SYT10: variants seen among roughly 807,000 people sequenced by gnomAD.
The protein encoded by SYT10 is synaptotagmin-10.
In SYT10, 31 loss-of-function variants were observed where a neutral mutation model predicts 51.1. The observed-to-expected ratio is 0.61, with a 90% CI of 0.46 to 0.82. The LOEUF is 0.82. SYT10 is among the 40% of genes least tolerant of loss of function. SYT10 has a pLI of 0.00. For synonymous variants in SYT10, 233 were observed against 225.9 expected, an observed-to-expected ratio of 1.03 and a Z score of -0.28; for missense variants, 603 against 634.0, an observed-to-expected ratio of 0.95 and a Z score of 0.53.
intron 1 of SYT10, among the ~76,000 whole-genome samples, chr12:33,437,389 A>G (rs924837584): frequency 6.6e-6 from 1 of 152,240 alleles, no homozygotes; most frequent in African/African-American, 2.4e-5. Context: ...AGGAATTCAG[A>G]CTACAACTAC....
chr12:33,419,274 G>C (rs1866480038), intron 2 of SYT10, among the ~76,000 whole-genome samples: 1 of 152,140 alleles, frequency 6.6e-6, no homozygotes, highest in African/African-American at 2.4e-5. Context: ...GAATGTGTGT[G>C]TGTGGGGGGA....
intron 3 of SYT10, among the ~76,000 whole-genome samples, 176 bp downstream of exon 3, chr12:33,406,613 A>G (rs1278121148): frequency 3.3e-5 from 5 of 152,222 alleles, no homozygotes; most frequent in Non-Finnish European, 7.3e-5. Flanking sequence ...GGTTACTAGT[A>G]TATTCAGCAT....
chr12:33,414,250 G>C lies in SYT10; in HGVS notation c.510-6894C>G, dbSNP rs902865089. On this transcript the variant is annotated intron_variant, in intron 2 of 6. Transcript: ENST00000228567. ...AATAATAATTGGAGACTTTCACACC[G>C]CACTGTCAACATCAGACAGATCAAA... is the stretch of plus-strand genomic sequence containing the variant. 5.9e-5 allele frequency among the ~76,000 whole-genome samples: 9 copies of C among 152,166 alleles called. No homozygotes were observed. In the East Asian group the frequency reaches 1.2e-3, roughly 20 times the overall value.
intron 3 of SYT10, among the ~76,000 whole-genome samples, chr12:33,388,695 T>C (rs1360797232): frequency 6.6e-6 from 1 of 152,214 alleles, no homozygotes; most frequent in Non-Finnish European, 1.5e-5. Flanking sequence ...ACACTGAAGC[T>C]GGCTCAGAGG....
intron 3 of SYT10, among the ~76,000 whole-genome samples, chr12:33,401,844 G>T (rs1866309847): frequency 6.6e-6 from 1 of 152,078 alleles, no homozygotes; most frequent in Non-Finnish European, 1.5e-5. Flanking sequence ...CATTCAAAAA[G>T]CATTTATTCA....
intron 3 of SYT10, among the ~76,000 whole-genome samples, chr12:33,399,660 G>A (rs1388706440): frequency 6.6e-6 from 1 of 152,124 alleles, no homozygotes; most frequent in African/African-American, 2.4e-5. Context: ...TAGGCTGGCT[G>A]AGTTAGGCAG....
intron 3 of SYT10, among the ~76,000 whole-genome samples, chr12:33,395,445 C>T (rs894446472): frequency 2.0e-5 from 3 of 152,150 alleles, no homozygotes; most frequent in African/African-American, 7.2e-5. Flanking sequence ...CACTAAATTC[C>T]TAGAACTTAC....
At chr12:33,415,608 AGAAATTT>A (rs1429758119) in intron 2 of SYT10, among the ~76,000 whole-genome samples, 3 of 152,248 alleles carry the variant, frequency 2.0e-5, no homozygotes, top group Non-Finnish European at 4.4e-5. Context: ...AATGTTTAAA[AGAAATTT>A]ATCTCTATTT....
Position 33,385,302 on chromosome 12 carries a change from A to AAT in SYT10, c.1078-13_1078-12dup. On this transcript the variant is annotated splice_polypyrimidine_tract_variant and intron_variant, in intron 3 of 6. Transcript: ENST00000228567. ...CAGGTCTATACTTTCCTAGAAAGGC[A>AAT]ATCGGCATGTTAGCAATTTCAAACA... 1.9e-6 allele frequency: 3 copies of AAT among 1,612,166 alleles called. No homozygotes were observed. The highest frequency in any genetic ancestry group is 2.5e-6 in the Non-Finnish European group (3 of 1,179,246).
At chr12:33,387,745 A>ATGTT (rs1291612453) in intron 3 of SYT10, among the ~76,000 whole-genome samples, 59 of 78,950 alleles carry the variant, frequency 7.5e-4, no homozygotes, top group African/African-American at 3.6e-3. Flanking sequence ...TCCTTCTAAC[A>ATGTT]TGTTTTTTTT....
At chr12:33,408,522 G>A (rs1356103921) in intron 2 of SYT10, among the ~76,000 whole-genome samples, 2 of 152,014 alleles carry the variant, frequency 1.3e-5, no homozygotes, top group Non-Finnish European at 2.9e-5. Flanking sequence ...CATGCTTTCT[G>A]GCACGAACTG....
Position 33,426,277 on chromosome 12 carries a change from C to T in SYT10, c.370G>A (p.Val124Ile), listed in dbSNP as rs143923961. Residue 124 changes from valine (V) to isoleucine (I), a missense_variant, in exon 2 of 7, where the codon GTA becomes ATA. Coordinates refer to ENST00000228567, the MANE Select transcript of SYT10 (RefSeq NM_198992.4). The part of the protein sequence containing the change: ...KEIKENEKPA[V>I]KAIEPAIKIS... Reference sequence around the variant, plus strand: ...TTTATTGCAGGCTCAATAGCTTTTACGGCTGGCTTTTCATTTTCCTTAATT... The same window carrying T: ...TTTATTGCAGGCTCAATAGCTTTTATGGCTGGCTTTTCATTTTCCTTAATT... 253 of 1,613,924 alleles carry T rather than the reference C, an allele frequency of 1.6e-4. No individual in the cohort carries two copies. Among genetic ancestry groups the T allele is most frequent in the Non-Finnish European group, 2.0e-4 (238 of 1,180,014 alleles).
At chr12:33,416,881 T>C (rs1340797407) in intron 2 of SYT10, among the ~76,000 whole-genome samples, 1 of 152,118 alleles carries the variant, frequency 6.6e-6, no homozygotes, top group Non-Finnish European at 1.5e-5. Context: ...TAAAATGGGA[T>C]CTAACCTGAA....
intron 2 of SYT10, among the ~76,000 whole-genome samples, chr12:33,409,209 A>C (rs997923191): frequency 6.6e-6 from 1 of 152,150 alleles, no homozygotes; most frequent in Non-Finnish European, 1.5e-5. Context: ...ACTGATGCAC[A>C]CATGAAGCTC....
At chr12:33,436,958 G>T (rs1866642617) in intron 1 of SYT10, among the ~76,000 whole-genome samples, 1 of 152,120 alleles carries the variant, frequency 6.6e-6, no homozygotes, top group African/African-American at 2.4e-5. Flanking sequence ...GCTTTATTTA[G>T]GAACCTATAA....
At chr12:33,395,522 T>G (rs1866248537) in intron 3 of SYT10, among the ~76,000 whole-genome samples, 1 of 152,184 alleles carries the variant, frequency 6.6e-6, no homozygotes, top group Non-Finnish European at 1.5e-5. Context: ...CCTACAACCT[T>G]CAAGCATTAA....
chr12:33,376,955 G>A, intron 6 of SYT10, 54 bp from the exon 7 acceptor site: 1 of 1,572,982 alleles, frequency 6.4e-7, no homozygotes, highest in Non-Finnish European at 8.7e-7. Flanking sequence ...AGAACACAGT[G>A]GTTAGTTGTT....
Position 33,382,436 on chromosome 12 carries a change from G to A in SYT10, c.1283C>T (p.Pro428Leu). ...KTTTKKNTLN[P>L]VYNEAIIFDI... ...AAAAATAATGGCCTCATTGTACACA[G>A]GGTTTAGAGTGTTTTTCTTTGTAGT... Residue 428 changes from proline (P) to leucine (L), a missense_variant, in exon 5 of 7, where the codon CCT (proline) becomes CTT (leucine). Physicochemically the swap from Pro to Leu is moderately conservative, Grantham distance 98. Coordinates refer to ENST00000228567, the MANE Select transcript of SYT10 (RefSeq NM_198992.4). 1 of 1,613,366 alleles carries A rather than the reference G, an allele frequency of 6.2e-7. No individual in the cohort carries two copies. The highest frequency in any genetic ancestry group is 8.5e-7 in the Non-Finnish European group (1 of 1,179,610).
chr12:33,419,030 C>T (rs1866478166), intron 2 of SYT10, among the ~76,000 whole-genome samples: 2 of 152,102 alleles, frequency 1.3e-5, no homozygotes, highest in South Asian at 2.1e-4. Context: ...GTTCTAGCTT[C>T]AGGGCCTTTG....
Sources: allele counts gnomAD v4.1 joint callset (sites outside exome capture counted in the v4.1 genomes callset), GRCh38; gene constraint gnomAD v4.1.1; transcripts MANE v1.5; gene names NCBI Gene and HGNC (gene_info 2026-07-23, HGNC 2026-07-21).